Variants in FYB1 observed in about 807,000 individuals in gnomAD.
FYB1 encodes FYN-binding protein 1.
Under a neutral mutation model 94.1 loss-of-function variants are expected in FYB1, and 41 were observed. The ratio of observed to expected loss-of-function variants is 0.44; its 90% confidence interval spans 0.34 to 0.57. The LOEUF is 0.57. Among genes scored for constraint, FYB1 ranks in the 20% least tolerant of loss-of-function variants. The pLI is 0.02. For synonymous variants in FYB1, 367 were observed against 353.2 expected, an observed-to-expected ratio of 1.04 and a Z score of -0.44; for missense variants, 1,050 against 976.8, an observed-to-expected ratio of 1.07 and a Z score of -1.00.
intron 16 of FYB1, among the ~76,000 whole-genome samples, chr5:39,113,023 G>A (rs564265416): frequency 2.7e-4 from 41 of 152,060 alleles, no homozygotes; most frequent in Non-Finnish European, 5.0e-4. Flanking sequence ...ATTTTTACAG[G>A]GTAAATGACT....
chr5:39,119,278 GA>G (rs569304618), intron 15 of FYB1, among the ~76,000 whole-genome samples: 5 of 151,998 alleles, frequency 3.3e-5, no homozygotes, highest in Non-Finnish European at 7.4e-5. Flanking sequence ...AAATTTAGGT[GA>G]TTATCACAGT....
Position 39,134,232 on chromosome 5 carries a change from A to G in FYB1, c.1793T>C (p.Val598Ala). 6.2e-7 allele frequency: 1 copy of G among 1,612,304 alleles called. No individual in the cohort carries two copies. Among genetic ancestry groups the G allele is most frequent in the Non-Finnish European group, 8.5e-7 (1 of 1,178,678 alleles). ...CCTGCTAATATCATCCTGCTCTGCA[A>G]CATCATCATATACTTCTTGGTCATC... ...IEDDQEVYDDVAEQDDISSHS... is the reference protein window; with the variant it reads ...IEDDQEVYDDAAEQDDISSHS... The change falls in exon 9 of 19, where the codon GTT becomes GCT. Residue 598 changes from valine to alanine, a missense_variant. Transcript: ENST00000512982.
chr5:39,150,057 T>C (rs1174252449), intron 3 of FYB1, among the ~76,000 whole-genome samples: 3 of 152,202 alleles, frequency 2.0e-5, no homozygotes, highest in Admixed American at 6.5e-5. Context: ...TAAACAAAAC[T>C]TGTTCACCTT....
intron 12 of FYB1, among the ~76,000 whole-genome samples, chr5:39,124,755 C>T (rs915885624): frequency 1.3e-5 from 2 of 151,898 alleles, no homozygotes; most frequent in Non-Finnish European, 2.9e-5. Context: ...TGCATATATA[C>T]CCCAAAACAG....
chr5:39,238,328 A>G (rs1751059728), intron 1 of FYB1, among the ~76,000 whole-genome samples: 1 of 152,004 alleles, frequency 6.6e-6, no homozygotes, highest in Non-Finnish European at 1.5e-5. Context: ...AGGAAGCCTG[A>G]GTGGGAGAAA....
At chr5:39,240,680 G>A (rs925000465) in intron 1 of FYB1, among the ~76,000 whole-genome samples, 2 of 152,182 alleles carry the variant, frequency 1.3e-5, no homozygotes, top group Non-Finnish European at 2.9e-5. Context: ...ACAGATGCTG[G>A]CAAGATTGAG....
At chr5:39,211,366 G>A (rs1323146048) in intron 1 of FYB1, among the ~76,000 whole-genome samples, 2 of 146,304 alleles carry the variant, frequency 1.4e-5, no homozygotes, top group Non-Finnish European at 3.0e-5. Flanking sequence ...TGTCGCCCAG[G>A]CTGCAGTGCA....
chr5:39,272,147 C>A (rs972732381), intron 1 of FYB1, among the ~76,000 whole-genome samples: 9 of 152,134 alleles, frequency 5.9e-5, no homozygotes, highest in Non-Finnish European at 1.3e-4. Context: ...ATATGAAAAT[C>A]TGGGGTTGAA....
chr5:39,188,494 C>A (rs195230), intron 2 of FYB1, among the ~76,000 whole-genome samples: 28 of 126,254 alleles, frequency 2.2e-4, no homozygotes, highest in South Asian at 1.3e-3. Flanking sequence ...CCACAGCCCC[C>A]GTAGCCCCAC....
At chr5:39,229,009 G>T (rs1750605822) in intron 1 of FYB1, among the ~76,000 whole-genome samples, 1 of 152,130 alleles carries the variant, frequency 6.6e-6, no homozygotes, top group South Asian at 2.1e-4. Flanking sequence ...ACAAGGCTTT[G>T]TCTTACAGTG....
At chr5:39,232,165 A>T (rs1219787604) in intron 1 of FYB1, among the ~76,000 whole-genome samples, 1 of 152,130 alleles carries the variant, frequency 6.6e-6, no homozygotes, top group Non-Finnish European at 1.5e-5. Flanking sequence ...ACATGCACAC[A>T]CACTACACAT....
At chr5:39,159,128 A>T (rs185084658) in intron 2 of FYB1, among the ~76,000 whole-genome samples, 2 of 152,344 alleles carry the variant, frequency 1.3e-5, no homozygotes, top group East Asian at 3.9e-4. Context: ...CACAAGGCTG[A>T]GGGGTGCCAC....
intron 1 of FYB1, among the ~76,000 whole-genome samples, chr5:39,226,665 G>A (rs1750485216): frequency 6.6e-6 from 1 of 152,132 alleles, no homozygotes; most frequent in Non-Finnish European, 1.5e-5. Flanking sequence ...CTTGTCAGGG[G>A]TAGAGTTCAC....
At position 39,166,437 on chromosome 5, in the gene FYB1, T is replaced by A. The variant is rs1386539338; in HGVS notation, c.1136-12833A>T. ...GGCAACAAGGTGAAACTCCGTCTCA[T>A]AAAAAAAAAAAAAAAGAAATAAAGA... is the stretch of plus-strand genomic sequence containing the variant. On this transcript the variant is annotated intron_variant, in intron 2 of 18. Transcript: ENST00000512982. Among the ~76,000 whole-genome samples the A allele has an allele frequency of 1.2e-4, 17 of 139,090 alleles. No homozygotes were observed. In the East Asian group the frequency reaches 1.3e-3, roughly 11 times the overall value. 91.2% of individuals were successfully genotyped at this position (139,090 alleles called of 152,430 possible). A position where few individuals can be genotyped will look rare whatever the true frequency, so the allele number is the denominator to read the frequency against.
intron 2 of FYB1, among the ~76,000 whole-genome samples, chr5:39,160,168 T>C (rs1002812919): frequency 6.6e-6 from 1 of 152,216 alleles, no homozygotes; most frequent in Non-Finnish European, 1.5e-5. Flanking sequence ...CTTGGTTAAG[T>C]TGCTTGACAT....
intron 3 of FYB1, among the ~76,000 whole-genome samples, chr5:39,149,513 G>T (rs1241392688): frequency 6.6e-6 from 1 of 152,054 alleles, no homozygotes; most frequent in Non-Finnish European, 1.5e-5. Flanking sequence ...CTTTAAAAAG[G>T]CTCTTGATCT....
intron 1 of FYB1, among the ~76,000 whole-genome samples, chr5:39,266,148 C>T (rs987012421): frequency 6.6e-6 from 1 of 152,140 alleles, no homozygotes; most frequent in African/African-American, 2.4e-5. Context: ...CATTTTAGGA[C>T]TGTAAAGTGA....
chr5:39,199,095 C>T (rs1017693916), intron 2 of FYB1, among the ~76,000 whole-genome samples: 6 of 151,194 alleles, frequency 4.0e-5, no homozygotes, highest in Non-Finnish European at 7.4e-5. Context: ...TTTATGTATA[C>T]GTATATGTAT....
intron 1 of FYB1, among the ~76,000 whole-genome samples, chr5:39,272,513 A>G (rs1408123776): frequency 7.1e-6 from 1 of 140,470 alleles, no homozygotes; most frequent in African/African-American, 2.6e-5. Flanking sequence ...AAAAAAAAAA[A>G]TACAAAAAAT....
Sources: gnomAD v4.1 joint callset for allele counts (sites outside exome capture counted in the v4.1 genomes callset) on GRCh38, gnomAD v4.1.1 for gene constraint, MANE v1.5 for transcripts, NCBI Gene and HGNC (gene_info 2026-07-23, HGNC 2026-07-21) for gene names.